Variants in FUT8 observed in about 807,000 individuals in gnomAD.
FUT8 encodes the protein alpha-(1,6)-fucosyltransferase.
FUT8 carries 29 observed loss-of-function variants against 71.3 expected under a neutral mutation model. The observed-to-expected ratio is 0.41, with a 90% CI of 0.30 to 0.55. The LOEUF (loss-of-function observed/expected upper bound fraction) is 0.55. FUT8 is among the 20% of genes least tolerant of loss of function. The pLI, the probability that FUT8 is intolerant of heterozygous loss-of-function variation, is 0.34. For synonymous variants in FUT8, 254 were observed against 239.3 expected (o/e 1.06, Z -0.57); for missense variants, 544 against 702.1 (o/e 0.77, Z 2.55).
At chr14:65,419,768 A>C (rs1411737962) in intron 1 of FUT8, among the ~76,000 whole-genome samples, 1 of 152,142 alleles carries the variant, frequency 6.6e-6, no homozygotes, top group Non-Finnish European at 1.5e-5. Context: ...GGCAGGTTGT[A>C]ACTGAAATTC....
At chr14:65,663,754 C>G (rs1363224424) in intron 6 of FUT8, among the ~76,000 whole-genome samples, 3 of 152,040 alleles carry the variant, frequency 2.0e-5, no homozygotes, top group Non-Finnish European at 4.4e-5. Context: ...TTGAGATATA[C>G]TAAGCATCAT....
chr14:65,630,640 G>C (rs1289621714), intron 6 of FUT8, among the ~76,000 whole-genome samples: 1 of 152,186 alleles, frequency 6.6e-6, no homozygotes, highest in Non-Finnish European at 1.5e-5. Flanking sequence ...GTGGCAGTTT[G>C]CTTTGGAAGT....
At chr14:65,386,350 A>C in the FUT8 span, among the ~76,000 whole-genome samples, 1 of 151,400 alleles carries the variant, frequency 6.6e-6, no homozygotes, top group Admixed American at 6.6e-5. Flanking sequence ...GTTTCTGCAA[A>C]AAAATTAGCT....
In FUT8 at chr14:65,574,267, T is replaced by C. The variant is rs1295050648; in HGVS notation, c.203+12501T>C. Among the ~76,000 whole-genome samples, 4 of 152,096 alleles carry C rather than the reference T, an allele frequency of 2.6e-5. No homozygotes were observed. Among genetic ancestry groups the C allele is most frequent in the African/African-American group, 7.2e-5 (3 of 41,388 alleles). Reference sequence around the variant, plus strand: ...TGCTAGCAAGATAAAGTTTCAGTCTTTTTAAACACAGTCATGGAAGATACA... The same window carrying C: ...TGCTAGCAAGATAAAGTTTCAGTCTCTTTAAACACAGTCATGGAAGATACA... On this transcript the variant is annotated intron_variant, in intron 3 of 10. Coordinates refer to ENST00000673929, the MANE Select transcript of FUT8 (RefSeq NM_001371533.1). This position sits in a 1 kb window ranked among gnomAD's most constrained non-coding sequence, Gnocchi z 5.2.
At chr14:65,604,664 A>G (rs1888476887) in intron 3 of FUT8, among the ~76,000 whole-genome samples, 3 of 151,922 alleles carry the variant, frequency 2.0e-5, no homozygotes, top group Non-Finnish European at 4.4e-5. Context: ...GAGCACAAGT[A>G]GACAATCTAA....
chr14:65,391,600 C>T, the FUT8 span, among the ~76,000 whole-genome samples: 2 of 152,154 alleles, frequency 1.3e-5, no homozygotes, highest in Admixed American at 6.5e-5. Flanking sequence ...GTGATCCACC[C>T]GCCTTGGCTT....
At position 65,467,006 on chromosome 14, in the gene FUT8, G is replaced by A. The variant is rs1404639109; in HGVS notation, c.-228+11288G>A. Among the ~76,000 whole-genome samples the A allele has an allele frequency of 6.6e-6, 1 of 152,020 alleles. No individual in the cohort carries two copies. Among genetic ancestry groups the A allele is most frequent in the African/African-American group, 2.4e-5 (1 of 41,382 alleles). ...TATTATTTTGAACAAGTTGTTATCTGTTAGATGAATTAAGGATCAGAAAAA... is the reference window on the plus strand; with the variant it reads ...TATTATTTTGAACAAGTTGTTATCTATTAGATGAATTAAGGATCAGAAAAA... On this transcript the variant is annotated intron_variant, in intron 2 of 10. Coordinates refer to ENST00000673929, the MANE Select transcript of FUT8 (RefSeq NM_001371533.1). This position sits in a 1 kb window ranked among gnomAD's most constrained non-coding sequence, Gnocchi z 4.1.
chr14:65,508,281 C>T (rs188729352), intron 2 of FUT8, among the ~76,000 whole-genome samples: 8 of 151,736 alleles, frequency 5.3e-5, no homozygotes, highest in African/African-American at 1.5e-4. Flanking sequence ...ACCATGTTGC[C>T]GAGGCTGGTC....
At chr14:65,430,413 T>C (rs1319967559) in intron 1 of FUT8, 2 of 152,146 alleles carry the variant, frequency 1.3e-5, no homozygotes, top group African/African-American at 4.8e-5. Flanking sequence ...TACTGAAATA[T>C]GAGTTGTGTA....
rs916634593 is a variant in FUT8, at chr14:65,574,326, G to A, written c.203+12560G>A. 3.9e-5 allele frequency among the ~76,000 whole-genome samples: 6 copies of A among 152,082 alleles called. No homozygotes were observed. Among genetic ancestry groups the A allele is most frequent in the African/African-American group, 1.4e-4 (6 of 41,406 alleles). On this transcript the variant is annotated intron_variant, in intron 3 of 10. Transcript: ENST00000673929. This position sits in a 1 kb window ranked among gnomAD's most constrained non-coding sequence, Gnocchi z 5.2. ...TCTTTGCAATATTCTATTGATTAGA[G>A]CAAATCACAGGTCCCATTTACACTT... is the stretch of plus-strand genomic sequence containing the variant.
the FUT8 span, among the ~76,000 whole-genome samples, chr14:65,371,695 C>T: frequency 1.3e-5 from 2 of 152,214 alleles, no homozygotes; most frequent in South Asian, 4.1e-4. Context: ...TTTGACATGT[C>T]ACCATCATTC....
intron 7 of FUT8, among the ~76,000 whole-genome samples, chr14:65,675,312 G>A (rs951655987): frequency 5.9e-5 from 9 of 152,110 alleles, no homozygotes; most frequent in African/African-American, 2.2e-4. Flanking sequence ...GTAAACCTGG[G>A]GAAAGTGAAT....
At chr14:65,549,546 GA>G (rs1457964750) in intron 2 of FUT8, among the ~76,000 whole-genome samples, 1 of 152,106 alleles carries the variant, frequency 6.6e-6, no homozygotes, top group African/African-American at 2.4e-5. Flanking sequence ...CAAATTTGAT[GA>G]TAAATTTTGT....
At chr14:65,464,046 T>C (rs1472255568) in intron 2 of FUT8, among the ~76,000 whole-genome samples, 1 of 152,214 alleles carries the variant, frequency 6.6e-6, no homozygotes, top group Non-Finnish European at 1.5e-5. Flanking sequence ...TGAACACATA[T>C]TTTTTCTTAA....
intron 2 of FUT8, among the ~76,000 whole-genome samples, chr14:65,558,051 CT>C: frequency 6.6e-6 from 1 of 151,954 alleles, no homozygotes; most frequent in Middle Eastern, 3.4e-3. Context: ...ACTCTCTTGG[CT>C]GGGTGTGGTG....
chr14:65,644,291 A>G (rs1159969843), intron 6 of FUT8, among the ~76,000 whole-genome samples: 2 of 151,710 alleles, frequency 1.3e-5, no homozygotes, highest in Non-Finnish European at 2.9e-5. Context: ...CATGTTATAT[A>G]TATATATTTT....
In FUT8 at chr14:65,509,656, A is replaced by T. The variant is rs190125667; in HGVS notation, c.-227-51681A>T. 3.3e-5 allele frequency among the ~76,000 whole-genome samples: 5 copies of T among 151,808 alleles called. No homozygotes were observed. In the East Asian group the frequency reaches 9.7e-4, roughly 29 times the overall value. The stretch of plus-strand genomic sequence containing the variant: ...TCACTTCTTTGGTTAATTCCTAGGT[A>T]TGTATTTATTTATTTATTTTGGTGG... On this transcript the variant is annotated intron_variant, in intron 2 of 10. Transcript: ENST00000673929.
chr14:65,591,388 A>G (rs977908072), intron 3 of FUT8, among the ~76,000 whole-genome samples: 5 of 152,168 alleles, frequency 3.3e-5, no homozygotes, highest in African/African-American at 1.2e-4. Context: ...ATGATACATT[A>G]TATCTTTGAA....
At chr14:65,548,646 A>T (rs545927757) in intron 2 of FUT8, among the ~76,000 whole-genome samples, 41 of 152,212 alleles carry the variant, frequency 2.7e-4, no homozygotes, top group African/African-American at 9.4e-4. Context: ...GAGAAAATAT[A>T]TGGGACTTTG....
Sources: allele counts gnomAD v4.1 joint callset (sites outside exome capture counted in the v4.1 genomes callset), GRCh38; gene constraint gnomAD v4.1.1; non-coding constraint Gnocchi (gnomAD v3.1); transcripts MANE v1.5; gene names NCBI Gene and HGNC (gene_info 2026-07-23, HGNC 2026-07-21).